The following DLD variants were observed in gnomAD, a reference collection of about 807,000 sequenced individuals.
The protein encoded by DLD is dihydrolipoamide dehydrogenase.
A neutral mutation model predicts 62.2 loss-of-function variants in DLD; 36 were observed. The ratio of observed to expected loss-of-function variants is 0.58; its 90% confidence interval spans 0.44 to 0.76. The LOEUF is 0.76. DLD is among the 30% of genes least tolerant of loss of function. The pLI is 0.00. For synonymous variants in DLD, 204 were observed against 199.6 expected (o/e 1.02, Z -0.19); for missense variants, 541 against 608.6 (o/e 0.89, Z 1.17).
At position 107,891,220 on chromosome 7, in the gene DLD, G is replaced by A. The variant is rs374293887; in HGVS notation, c.-31G>A. 1.4e-4 allele frequency: 226 copies of A among 1,613,960 alleles called. No homozygotes were observed. The highest frequency in any genetic ancestry group is 1.8e-4 in the Non-Finnish European group (217 of 1,179,848). ...GCGGAGGCGCCCAGCGGAGGTGAAA[G>A]TATTGGCGGAAAGGAAAATACAGCG... is the stretch of plus-strand genomic sequence containing the variant. On this transcript the variant is annotated 5_prime_UTR_variant, in exon 1 of 14. Transcript: ENST00000205402.
intron 5 of DLD, among the ~76,000 whole-genome samples, chr7:107,904,120 T>G (rs2031945844): frequency 6.6e-6 from 1 of 152,212 alleles, no homozygotes; most frequent in Admixed American, 6.5e-5. Context: ...GTCATAACCT[T>G]GGGTTGTTAC....
chr7:107,907,203 C>T (rs1452251093), intron 8 of DLD, among the ~76,000 whole-genome samples: 6 of 152,108 alleles, frequency 3.9e-5, no homozygotes, highest in East Asian at 1.9e-4. Flanking sequence ...AACTCTAGTT[C>T]GGTTTGAATG....
intron 8 of DLD, among the ~76,000 whole-genome samples, chr7:107,911,171 C>T (rs1358091948): frequency 2.6e-5 from 4 of 152,074 alleles, no homozygotes; most frequent in Non-Finnish European, 1.5e-5. Context: ...TTGCTCAGCC[C>T]CTGGAAACCA....
chr7:107,907,829 G>A (rs933952604), intron 8 of DLD, among the ~76,000 whole-genome samples: 3 of 152,212 alleles, frequency 2.0e-5, no homozygotes, highest in South Asian at 2.1e-4. Context: ...AATTTTGTTC[G>A]CACTTTTCCT....
Position 107,919,370 on chromosome 7 carries a change from G to C in DLD, c.*111G>C, listed in dbSNP as rs1036253835. The C allele has an allele frequency of 3.5e-5, 30 of 852,912 alleles. No individual in the cohort carries two copies. Among genetic ancestry groups the C allele is most frequent in the Non-Finnish European group, 5.4e-5 (29 of 534,678 alleles). 52.8% of individuals were successfully genotyped at this position (852,912 alleles called of 1,614,324 possible). Reference sequence around the variant, plus strand: ...CCAAGAATTTCTAGGACTGAATTATGAAACTTTTGGAAGGTATTTAATAGG... The same window carrying C: ...CCAAGAATTTCTAGGACTGAATTATCAAACTTTTGGAAGGTATTTAATAGG... On this transcript the variant is annotated 3_prime_UTR_variant, in exon 14 of 14. Coordinates refer to ENST00000205402, the MANE Select transcript of DLD (RefSeq NM_000108.5).
rs530007911 is a variant in DLD, at chr7:107,897,885, A to G, written c.119-3853A>G. Among the ~76,000 whole-genome samples, 5 of 152,236 alleles carry G rather than the reference A, an allele frequency of 3.3e-5. No individual in the cohort carries two copies. In the East Asian group the frequency reaches 9.7e-4, roughly 29 times the overall value. ...CTGACTTCTTGAGATACATCTTGTA[A>G]TTATATTGATGATTACAATTGATTT... On this transcript the variant is annotated intron_variant, in intron 2 of 13. Transcript: ENST00000205402.
intron 3 of DLD, among the ~76,000 whole-genome samples, 191 bp downstream of exon 3, chr7:107,902,008 ATTAG>A (rs1386586716): frequency 6.6e-6 from 1 of 152,234 alleles, no homozygotes; most frequent in African/African-American, 2.4e-5. Context: ...AGTGAAATCT[ATTAG>A]TTTTCTTCTC....
At chr7:107,918,932 T>C in intron 12 of DLD, 78 bp from the exon 13 acceptor site, 1 of 1,185,208 alleles carries the variant, frequency 8.4e-7, no homozygotes, top group Non-Finnish European at 1.3e-6. Flanking sequence ...ATCTAAAAGC[T>C]TCCCCTCAAC....
At chr7:107,913,188 G>T (rs1354804352) in intron 8 of DLD, among the ~76,000 whole-genome samples, 1 of 151,976 alleles carries the variant, frequency 6.6e-6, no homozygotes, top group African/African-American at 2.4e-5. Context: ...TGCTATTTTG[G>T]TTACTATAGC....
chr7:107,910,273 G>A (rs1423616049), intron 8 of DLD, among the ~76,000 whole-genome samples: 2 of 152,120 alleles, frequency 1.3e-5, no homozygotes, highest in African/African-American at 4.8e-5. Context: ...CAAGAAAAAA[G>A]GAATAACATT....
intron 4 of DLD, 121 bp downstream of exon 4, chr7:107,902,514 T>G: frequency 1.2e-6 from 1 of 859,828 alleles, no homozygotes; most frequent in Non-Finnish European, 2.0e-6. Context: ...GTGGCACATT[T>G]CACACAGAGA....
intron 8 of DLD, among the ~76,000 whole-genome samples, chr7:107,909,043 C>T (rs1220325575): frequency 6.6e-6 from 1 of 152,162 alleles, no homozygotes; most frequent in Non-Finnish European, 1.5e-5. Context: ...GAGAGTACTT[C>T]TTTTGATATG....
intron 8 of DLD, among the ~76,000 whole-genome samples, chr7:107,912,690 A>T (rs997310269): frequency 3.9e-5 from 6 of 151,946 alleles, no homozygotes; most frequent in East Asian, 1.9e-4. Flanking sequence ...TGAGCTCCTT[A>T]TGTATTCTGA....
chr7:107,900,299 G>C (rs976717166), intron 2 of DLD, among the ~76,000 whole-genome samples: 3 of 152,090 alleles, frequency 2.0e-5, no homozygotes, highest in Non-Finnish European at 2.9e-5. Context: ...CTACTCTAGG[G>C]ATGTGTGTTT....
chr7:107,891,163 C>T, upstream of DLD: 1 of 1,527,434 alleles, frequency 6.5e-7, no homozygotes, highest in Admixed American at 1.7e-5. Context: ...TGCGCCTGTG[C>T]ATGCGCAGGG....
Position 107,919,321 on chromosome 7 carries a change from C to A in DLD, c.*62C>A. 1.5e-6 allele frequency: 2 copies of A among 1,299,768 alleles called. No homozygotes were observed. The highest frequency in any genetic ancestry group is 2.2e-6 in the Non-Finnish European group (2 of 912,152). The allele number at this position is 1,299,768 out of a possible 1,614,324, so 80.5% of individuals were successfully genotyped here. ...TGGGAGCTTTTGTAGAAGTCACATT[C>A]CTGAACAGGATATTCTCACAGCTCC... On this transcript the variant is annotated 3_prime_UTR_variant, in exon 14 of 14. Transcript: ENST00000205402.
At chr7:107,898,599 C>CT (rs1201870163) in intron 2 of DLD, among the ~76,000 whole-genome samples, 7 of 145,358 alleles carry the variant, frequency 4.8e-5, no homozygotes, top group East Asian at 4.2e-4. Flanking sequence ...GATTTTTTAA[C>CT]TTTTTTTTTG....
intron 5 of DLD, chr7:107,904,678 A>G (rs985797454): frequency 3.8e-6 from 2 of 526,680 alleles, no homozygotes; most frequent in Non-Finnish European, 7.3e-6. Context: ...TAACCATCGT[A>G]AAGTGTTCAG....
chr7:107,901,754 A>G lies in DLD; in HGVS notation c.135A>G (p.Thr45=). ...YADQPIDADV[T]VIGSGPGGYV... The stretch of plus-strand genomic sequence containing the variant: ...TTATCGTAGTTGATGCTGATGTAAC[A>G]GTTATAGGTTCTGGTCCTGGAGGAT... Residue 45 remains threonine, a synonymous_variant, in exon 3 of 14, where the codon ACA becomes ACG. Coordinates refer to ENST00000205402, the MANE Select transcript of DLD (RefSeq NM_000108.5). The G allele has an allele frequency of 1.2e-6, 2 of 1,613,604 alleles. No individual in the cohort carries two copies. The highest frequency in any genetic ancestry group is 1.1e-5 in the South Asian group (1 of 91,070).
Sources: allele counts gnomAD v4.1 joint callset (sites outside exome capture counted in the v4.1 genomes callset), GRCh38; gene constraint gnomAD v4.1.1; transcripts MANE v1.5; gene names NCBI Gene and HGNC (gene_info 2026-07-23, HGNC 2026-07-21).